Variants in COL14A1 observed in about 807,000 individuals in gnomAD.
The protein encoded by COL14A1 is collagen alpha-1(XIV) chain.
In COL14A1, 136 loss-of-function variants were observed where a neutral mutation model predicts 230.3. That is an observed-to-expected ratio of 0.59 (90% CI 0.51 to 0.68). The LOEUF (loss-of-function observed/expected upper bound fraction) is 0.68. COL14A1 is among the 30% of genes least tolerant of loss of function. COL14A1 has a pLI of 0.00. For synonymous variants in COL14A1, 792 were observed against 784.1 expected, an observed-to-expected ratio of 1.01 and a Z score of -0.17; for missense variants, 1,976 against 2,215.8, an observed-to-expected ratio of 0.89 and a Z score of 2.17.
rs576529954 is a variant in COL14A1, at chr8:120,344,693, G to A, written c.4889-682G>A. Among the ~76,000 whole-genome samples, 6 of 152,270 alleles carry A rather than the reference G, an allele frequency of 3.9e-5. No homozygotes were observed. The South Asian group carries it at 1.2e-3, about 32-fold the overall frequency. On this transcript the variant is annotated intron_variant, in intron 44 of 47. Transcript: ENST00000297848. ...AAAATGGATAAATAACAGTAAACTA[G>A]AAAATTCACTTATGTTGGGAAAACT...
In COL14A1 at chr8:120,243,884, G is replaced by T. The variant is rs1402017992; in HGVS notation, c.2355G>T (p.Met785Ile). The change falls in exon 20 of 48, where the codon ATG (methionine) becomes ATT (isoleucine). Residue 785 changes from methionine to isoleucine, a missense_variant. Coordinates refer to ENST00000297848, the MANE Select transcript of COL14A1 (RefSeq NM_021110.4). The part of the protein sequence containing the change: ...DPEEEVIGTV[M>I]VPGSQNNLLL... ...TCCTTTGCTTTTTTGTTCAGGTTATGGTGCCTGGAAGCCAGAACAACCTCC... is the reference window on the plus strand; with the variant it reads ...TCCTTTGCTTTTTTGTTCAGGTTATTGTGCCTGGAAGCCAGAACAACCTCC... 1 of 1,612,912 alleles carries T rather than the reference G, an allele frequency of 6.2e-7. No homozygotes were observed.
intron 2 of COL14A1, among the ~76,000 whole-genome samples, chr8:120,153,191 TG>T (rs1815347415): frequency 6.6e-6 from 1 of 152,224 alleles, no homozygotes; most frequent in African/African-American, 2.4e-5. Flanking sequence ...CTAAAGTTTT[TG>T]TATTTTATTT....
chr8:120,142,426 C>A (rs902833570), intron 1 of COL14A1, among the ~76,000 whole-genome samples: 3 of 152,114 alleles, frequency 2.0e-5, no homozygotes, highest in African/African-American at 7.2e-5. Flanking sequence ...ATATGTATAC[C>A]CTGGGGCTTT....
intron 29 of COL14A1, 63 bp downstream of exon 29, chr8:120,280,162 T>C: frequency 2.6e-6 from 4 of 1,540,682 alleles, no homozygotes; most frequent in Non-Finnish European, 3.6e-6. Flanking sequence ...TGACACTGGT[T>C]AAATAGTGAG....
chr8:120,321,519 T>A (rs533772071), intron 40 of COL14A1, among the ~76,000 whole-genome samples: 1 of 152,052 alleles, frequency 6.6e-6, no homozygotes, highest in South Asian at 2.1e-4. Flanking sequence ...GGCACGAGCC[T>A]GTAATTCCAG....
In COL14A1 at chr8:120,250,605, TTTC is replaced by T. The variant is rs1436792809; in HGVS notation, c.2603-6_2603-4del. ...TTTGTTGTAACTAAAATATATCCTCTTTCTTCTTTAGTTCCTGGTCCAACACTG... is the reference window on the plus strand; with the variant it reads ...TTTGTTGTAACTAAAATATATCCTCTTTCTTTAGTTCCTGGTCCAACACTG... On this transcript the variant is annotated splice_polypyrimidine_tract_variant and intron_variant, in intron 21 of 47. Coordinates refer to ENST00000297848, the MANE Select transcript of COL14A1 (RefSeq NM_021110.4). The T allele has an allele frequency of 6.2e-7, 1 of 1,614,032 alleles. No individual in the cohort carries two copies. Among genetic ancestry groups the T allele is most frequent in the Non-Finnish European group, 8.5e-7 (1 of 1,179,906 alleles).
At chr8:120,151,255 T>G (rs1327961149) in intron 2 of COL14A1, among the ~76,000 whole-genome samples, 1 of 152,186 alleles carries the variant, frequency 6.6e-6, no homozygotes, top group African/African-American at 2.4e-5. Context: ...ATTGCTTTAT[T>G]GGATTGATTT....
chr8:120,263,868 A>C (rs1368372747), intron 24 of COL14A1, among the ~76,000 whole-genome samples: 1 of 152,218 alleles, frequency 6.6e-6, no homozygotes, highest in Non-Finnish European at 1.5e-5. Context: ...AAGAGAGGAT[A>C]AAAGTATAAT....
At chr8:120,254,768 T>C (rs1165598866) in intron 22 of COL14A1, among the ~76,000 whole-genome samples, 1 of 145,894 alleles carries the variant, frequency 6.9e-6, no homozygotes, top group African/African-American at 2.6e-5. Context: ...GCAGGTGGCT[T>C]GAGCTCAGGA....
At chr8:120,166,900 G>A (rs1008934745) in intron 4 of COL14A1, among the ~76,000 whole-genome samples, 38 of 149,756 alleles carry the variant, frequency 2.5e-4, no homozygotes, top group Non-Finnish European at 3.6e-4. Flanking sequence ...GTGTGTGTGT[G>A]TGTGTGTGTG....
Position 120,254,325 on chromosome 8 carries a change from T to C in COL14A1, c.2753-915T>C, listed in dbSNP as rs578262001. Among the ~76,000 whole-genome samples the C allele has an allele frequency of 1.1e-4, 17 of 152,326 alleles. No individual in the cohort carries two copies. In the South Asian group the frequency reaches 3.5e-3, roughly 32 times the overall value. On this transcript the variant is annotated intron_variant, in intron 22 of 47. Coordinates refer to ENST00000297848, the MANE Select transcript of COL14A1 (RefSeq NM_021110.4). ...AACAATTTTTGCATATCACAATGTC[T>C]AAGATTAATAGGAACCTATGTATTT...
intron 36 of COL14A1, among the ~76,000 whole-genome samples, chr8:120,303,692 CT>C (rs1431449365): frequency 6.6e-6 from 1 of 152,044 alleles, no homozygotes; most frequent in African/African-American, 2.4e-5. Flanking sequence ...TTAGCTGGAA[CT>C]TTTCTTTTCT....
intron 45 of COL14A1, 118 bp from the exon 46 acceptor site, chr8:120,367,052 CA>C: frequency 4.3e-6 from 3 of 700,578 alleles, no homozygotes. Flanking sequence ...CTCATAACCC[CA>C]AACGAACCCA....
chr8:120,254,606 G>A (rs1264790153), intron 22 of COL14A1, among the ~76,000 whole-genome samples: 1 of 151,648 alleles, frequency 6.6e-6, no homozygotes, highest in African/African-American at 2.4e-5. Context: ...GTATATAAAG[G>A]GGGTAAGATT....
chr8:120,195,489 G>A (rs779339040), intron 5 of COL14A1, among the ~76,000 whole-genome samples: 23 of 152,088 alleles, frequency 1.5e-4, no homozygotes, highest in African/African-American at 3.6e-4. Context: ...GCAATGTTGC[G>A]ATCGGTACTA....
At position 120,197,899 on chromosome 8, in the gene COL14A1, C is replaced by G; in HGVS notation, c.681C>G (p.Asn227Lys). 1 of 1,613,570 alleles carries G rather than the reference C, an allele frequency of 6.2e-7. No homozygotes were observed. The highest frequency in any genetic ancestry group is 1.3e-5 in the African/African-American group (1 of 75,000). Residue 227 changes from asparagine (N) to lysine (K), a missense_variant, in exon 7 of 48, where the codon AAC becomes AAG. Around this residue, in one of 3 missense-constraint regions of COL14A1, gnomAD observed 1,791 missense variants for 2,019.5 expected, o/e 0.89. Transcript: ENST00000297848. The stretch of plus-strand genomic sequence containing the variant: ...ATGAAGTGATTGAAGCTGTCCGAAA[C>G]CTCCCATATAAAGGAGGAAATACAC... ...TKDEVIEAVR[N>K]LPYKGGNTLT...
intron 46 of COL14A1, among the ~76,000 whole-genome samples, chr8:120,368,985 T>G (rs769993318): frequency 6.6e-6 from 1 of 152,168 alleles, no homozygotes; most frequent in Non-Finnish European, 1.5e-5. Flanking sequence ...ATAGATTGGA[T>G]TCATAAGGAA....
chr8:120,224,424 G>C (rs530461921), intron 14 of COL14A1, among the ~76,000 whole-genome samples: 122 of 152,264 alleles, frequency 8.0e-4, no homozygotes, highest in African/African-American at 2.8e-3. Context: ...GGATCATTTG[G>C]TGTTGCTCCC....
At chr8:120,203,445 T>G (rs935356093) in intron 8 of COL14A1, among the ~76,000 whole-genome samples, 10 of 152,294 alleles carry the variant, frequency 6.6e-5, no homozygotes, top group African/African-American at 2.4e-4. Flanking sequence ...TCCCTTTTTT[T>G]GCTTATTTTC....
Sources: allele counts gnomAD v4.1 joint callset (sites outside exome capture counted in the v4.1 genomes callset), GRCh38; gene constraint gnomAD v4.1.1; regional missense constraint gnomAD v4.1.1; transcripts MANE v1.5; gene names NCBI Gene and HGNC (gene_info 2026-07-23, HGNC 2026-07-21).